B3GALT1: variants seen among roughly 807,000 people sequenced by gnomAD.
B3GALT1 encodes the protein beta-1,3-galactosyltransferase 1.
B3GALT1 carries 10 observed loss-of-function variants against 23.2 expected under a neutral mutation model. The ratio of observed to expected loss-of-function variants is 0.43; its 90% CI spans 0.27 to 0.73. The LOEUF is 0.73. B3GALT1 is among the 30% of genes least tolerant of loss of function. The pLI, the probability that B3GALT1 is intolerant of heterozygous loss-of-function variation, is 0.21. For synonymous variants in B3GALT1, 156 were observed against 141.5 expected (o/e 1.10, Z -0.73); for missense variants, 299 against 405.4 (o/e 0.74, Z 2.25).
chr2:167,511,154 A>G (rs562198870), intron 2 of B3GALT1, among the ~76,000 whole-genome samples: 1 of 152,302 alleles, frequency 6.6e-6, no homozygotes, highest in Non-Finnish European at 1.5e-5. Context: ...AAACAGCCAA[A>G]TGAGAGAAAA....
intron 4 of B3GALT1, among the ~76,000 whole-genome samples, chr2:167,852,218 G>C (rs1047160462): frequency 6.6e-6 from 1 of 152,086 alleles, no homozygotes; most frequent in African/African-American, 2.4e-5. Flanking sequence ...GTCACCCGAG[G>C]TGAAAAGCAC....
At chr2:167,500,437 G>T (rs113167135) in intron 2 of B3GALT1, among the ~76,000 whole-genome samples, 1 of 152,120 alleles carries the variant, frequency 6.6e-6, no homozygotes, top group Non-Finnish European at 1.5e-5. Flanking sequence ...AAAAAATTGT[G>T]TGGGGGTGTC....
intron 3 of B3GALT1, among the ~76,000 whole-genome samples, chr2:167,743,988 AT>A (rs1411585591): frequency 1.3e-5 from 2 of 152,132 alleles, no homozygotes; most frequent in African/African-American, 2.4e-5. Flanking sequence ...AATATTTTTA[AT>A]TTCCACTAAA....
At chr2:167,478,418 G>C (rs1186653339) in intron 1 of B3GALT1, among the ~76,000 whole-genome samples, 1 of 152,152 alleles carries the variant, frequency 6.6e-6, no homozygotes, top group Non-Finnish European at 1.5e-5. Flanking sequence ...TCAATCATTA[G>C]ATAGGGGGCT....
intron 1 of B3GALT1, among the ~76,000 whole-genome samples, chr2:167,391,866 C>T (rs1698018359): frequency 6.6e-6 from 1 of 152,062 alleles, no homozygotes; most frequent in Admixed American, 6.6e-5. Flanking sequence ...CAATAAAGAC[C>T]CTCAATTAAT....
chr2:167,698,563 C>A (rs149671660), intron 3 of B3GALT1, among the ~76,000 whole-genome samples: 59 of 152,276 alleles, frequency 3.9e-4, no homozygotes, highest in Admixed American at 1.0e-3. Context: ...TACCAGTCCC[C>A]TGTGCTCTTT....
At chr2:167,389,416 G>A (rs1008293991) in intron 1 of B3GALT1, among the ~76,000 whole-genome samples, 1 of 152,162 alleles carries the variant, frequency 6.6e-6, no homozygotes, top group African/African-American at 2.4e-5. Context: ...TTCAATGTGG[G>A]TATGAGTAAC....
At chr2:167,428,280 C>T (rs1364918879) in intron 1 of B3GALT1, among the ~76,000 whole-genome samples, 2 of 152,342 alleles carry the variant, frequency 1.3e-5, no homozygotes, top group Middle Eastern at 3.4e-3. Flanking sequence ...GCAAAACATA[C>T]AGCTGTGAAT....
chr2:167,420,005 T>C (rs887837934), intron 1 of B3GALT1, among the ~76,000 whole-genome samples: 2 of 152,240 alleles, frequency 1.3e-5, no homozygotes, highest in Non-Finnish European at 1.5e-5. Flanking sequence ...AATATCATCT[T>C]GATGGGATCC....
At chr2:167,502,912 G>A (rs1227118) in intron 2 of B3GALT1, among the ~76,000 whole-genome samples, 3,238 of 152,078 alleles carry the variant, frequency 0.021, 112 homozygotes, top group African/African-American at 0.073. Flanking sequence ...GGTGGCAGGC[G>A]CCTGTAATCT....
At chr2:167,489,622 A>G (rs1451193721) in intron 1 of B3GALT1, among the ~76,000 whole-genome samples, 1 of 152,190 alleles carries the variant, frequency 6.6e-6, no homozygotes, top group Non-Finnish European at 1.5e-5. Context: ...ACACTTTTTC[A>G]CTGGCTCACG....
chr2:167,352,492 T>G (rs200557816), intron 1 of B3GALT1, among the ~76,000 whole-genome samples: 1 of 142,104 alleles, frequency 7.0e-6, no homozygotes, highest in African/African-American at 2.6e-5. Flanking sequence ...AAGGCCGAGG[T>G]GGGCGGATCA....
intron 3 of B3GALT1, among the ~76,000 whole-genome samples, chr2:167,752,577 C>A (rs1018339675): frequency 2.1e-5 from 3 of 144,984 alleles, no homozygotes; most frequent in East Asian, 2.0e-4. Context: ...CATCCTCCCC[C>A]CCGCCCCTCT....
chr2:167,767,032 G>C (rs866048556), intron 3 of B3GALT1, among the ~76,000 whole-genome samples: 5 of 152,216 alleles, frequency 3.3e-5, no homozygotes, highest in African/African-American at 1.2e-4. Context: ...TATTAAAATT[G>C]TTCAAAGCAG....
At chr2:167,867,169 G>GT (rs1169647763) in intron 4 of B3GALT1, among the ~76,000 whole-genome samples, 1 of 152,032 alleles carries the variant, frequency 6.6e-6, no homozygotes, top group Non-Finnish European at 1.5e-5. Context: ...CTCGTGATCC[G>GT]CCCCCCTTGG....
intron 1 of B3GALT1, among the ~76,000 whole-genome samples, chr2:167,456,523 T>C (rs1699175990): frequency 6.6e-6 from 1 of 152,078 alleles, no homozygotes; most frequent in Non-Finnish European, 1.5e-5. Context: ...CAATAAAACT[T>C]TTAGAAGAAA....
Position 167,869,179 on chromosome 2 carries a change from A to G in B3GALT1, c.140A>G (p.Asn47Ser). 6.2e-7 allele frequency: 1 copy of G among 1,614,048 alleles called. No homozygotes were observed. The highest frequency in any genetic ancestry group is 8.5e-7 in the Non-Finnish European group (1 of 1,180,020). ...AGCCACCTAACAGTTGCCAGGAAAAACTTCACCTTTGGCAACATAAGAACT... is the reference window on the plus strand; with the variant it reads ...AGCCACCTAACAGTTGCCAGGAAAAGCTTCACCTTTGGCAACATAAGAACT... ...PFSHLTVARKNFTFGNIRTRP... is the reference protein window; with the variant it reads ...PFSHLTVARKSFTFGNIRTRP... The change falls in exon 5 of 5, where the codon AAC becomes AGC. Residue 47 changes from asparagine (N) to serine (S), a missense_variant. Coordinates refer to ENST00000392690, the MANE Select transcript of B3GALT1 (RefSeq NM_020981.4). This position sits in a 1 kb window ranked among gnomAD's most constrained non-coding sequence, Gnocchi z 6.4.
At chr2:167,367,793 T>A (rs1253020702) in intron 1 of B3GALT1, among the ~76,000 whole-genome samples, 6 of 152,168 alleles carry the variant, frequency 3.9e-5, no homozygotes, top group Admixed American at 3.9e-4. Flanking sequence ...ACTAGGATCC[T>A]TCATGGGATA....
At chr2:167,774,383 G>A (rs1291089335) in intron 3 of B3GALT1, among the ~76,000 whole-genome samples, 1 of 151,228 alleles carries the variant, frequency 6.6e-6, no homozygotes, top group East Asian at 1.9e-4. Flanking sequence ...CTTTGGCATT[G>A]TCATTCCAAG....
Sources: allele counts gnomAD v4.1 joint callset (sites outside exome capture counted in the v4.1 genomes callset), GRCh38; gene constraint gnomAD v4.1.1; non-coding constraint Gnocchi (gnomAD v3.1); transcripts MANE v1.5; gene names NCBI Gene and HGNC (gene_info 2026-07-23, HGNC 2026-07-21).